Variants in SETBP1 observed in about 807,000 individuals in gnomAD.
SETBP1 encodes SET binding protein 1, also known as SET-binding protein.
Under a neutral mutation model 101.0 loss-of-function variants are expected in SETBP1, and 9 were observed. That is an observed-to-expected ratio of 0.09 (90% confidence interval 0.05 to 0.16). SETBP1 has a LOEUF of 0.16. Among genes scored for constraint, SETBP1 ranks in the 10% least tolerant of loss-of-function variants. SETBP1 has a pLI of 1.00. For synonymous variants in SETBP1, 818 were observed against 788.5 expected (o/e 1.04, Z -0.63); for missense variants, 1,858 against 2,033.8 (o/e 0.91, Z 1.66).
chr18:44,924,939 C>T (rs559970285), intron 3 of SETBP1, among the ~76,000 whole-genome samples: 2 of 149,150 alleles, frequency 1.3e-5, no homozygotes, highest in Non-Finnish European at 1.5e-5. Flanking sequence ...TCAGGATAGG[C>T]GTGTCCAGCT....
chr18:44,890,881 A>G (rs2069752377), intron 3 of SETBP1, among the ~76,000 whole-genome samples: 1 of 152,156 alleles, frequency 6.6e-6, no homozygotes, highest in African/African-American at 2.4e-5. Context: ...ATTGGAATTT[A>G]CATGGATCTT....
chr18:44,845,804 A>G (rs568453659), intron 2 of SETBP1, among the ~76,000 whole-genome samples: 2 of 152,296 alleles, frequency 1.3e-5, no homozygotes, highest in Non-Finnish European at 2.9e-5. Context: ...CCCTGCACTC[A>G]AGAGGGAAAC....
intron 4 of SETBP1, among the ~76,000 whole-genome samples, chr18:44,958,207 A>C (rs1191897751): frequency 6.6e-6 from 1 of 152,260 alleles, no homozygotes; most frequent in Non-Finnish European, 1.5e-5. Flanking sequence ...CAGTAGTTAC[A>C]AAGTAAATAT....
At chr18:44,812,914 C>A (rs1416354329) in intron 2 of SETBP1, among the ~76,000 whole-genome samples, 1 of 152,140 alleles carries the variant, frequency 6.6e-6, no homozygotes, top group African/African-American at 2.4e-5. Flanking sequence ...ACCTCACAGG[C>A]CAGAAGTGTT....
At chr18:44,763,227 A>G (rs2070696956) in intron 2 of SETBP1, among the ~76,000 whole-genome samples, 1 of 152,224 alleles carries the variant, frequency 6.6e-6, no homozygotes, top group African/African-American at 2.4e-5. Flanking sequence ...GCTGGAGTAA[A>G]TAGTTGAAGT....
intron 2 of SETBP1, among the ~76,000 whole-genome samples, chr18:44,722,773 G>T (rs1568109707): frequency 6.6e-6 from 1 of 152,196 alleles, no homozygotes; most frequent in Non-Finnish European, 1.5e-5. Flanking sequence ...ATTGTGAAGG[G>T]CATGTCTTCA....
At chr18:44,747,039 C>G (rs1388429955) in intron 2 of SETBP1, among the ~76,000 whole-genome samples, 2 of 152,178 alleles carry the variant, frequency 1.3e-5, no homozygotes, top group Non-Finnish European at 2.9e-5. Context: ...TAGTCACATG[C>G]CAGCCCCAGC....
intron 4 of SETBP1, among the ~76,000 whole-genome samples, chr18:44,956,575 A>G (rs556150236): frequency 1.0e-3 from 153 of 152,342 alleles, no homozygotes; most frequent in Middle Eastern, 6.8e-3. Context: ...CTTAGCATCC[A>G]AATGTCCTAT....
intron 3 of SETBP1, among the ~76,000 whole-genome samples, chr18:44,935,563 A>T (rs1283834216): frequency 6.6e-6 from 1 of 152,140 alleles, no homozygotes; most frequent in African/African-American, 2.4e-5. Flanking sequence ...CAGCTCTCCC[A>T]TGTAGAAACC....
intron 2 of SETBP1, among the ~76,000 whole-genome samples, chr18:44,830,233 A>T (rs1568168566): frequency 1.3e-5 from 2 of 152,180 alleles, no homozygotes. Context: ...TTCCAAACTA[A>T]TTTGACCATG....
At chr18:45,045,375 G>A (rs1449668008) in intron 5 of SETBP1, among the ~76,000 whole-genome samples, 2 of 152,144 alleles carry the variant, frequency 1.3e-5, no homozygotes, top group Non-Finnish European at 2.9e-5. Flanking sequence ...AGGTTGTAGT[G>A]AGCCGAAATC....
At chr18:44,954,288 A>G (rs1387154568) in intron 4 of SETBP1, among the ~76,000 whole-genome samples, 1 of 142,694 alleles carries the variant, frequency 7.0e-6, no homozygotes, top group African/African-American at 2.5e-5. Context: ...GTTAGTTATT[A>G]GGAAAATAGT....
At position 44,952,687 on chromosome 18, in the gene SETBP1, A is replaced by G. The variant is rs765137543; in HGVS notation, c.3347A>G (p.His1116Arg). 51 of 1,613,996 alleles carry G rather than the reference A, an allele frequency of 3.2e-5. No individual in the cohort carries two copies. Among genetic ancestry groups the G allele is most frequent in the South Asian group, 1.6e-4 (15 of 91,082 alleles). Residue 1116 changes from histidine to arginine, a missense_variant, in exon 4 of 6, where the codon CAC becomes CGC. His to Arg is a conservative substitution (Grantham distance 29). Around this residue, in one of 12 missense-constraint regions of SETBP1, gnomAD observed 417 missense variants for 389.1 expected, o/e 1.07. Coordinates refer to ENST00000649279, the MANE Select transcript of SETBP1 (RefSeq NM_015559.3). ...AAGCATAAAGCCAAGCATGGAGTAC[A>G]CCTGCAGGGACCTGTTAGCATGGGC... ...AAKHKAKHGV[H>R]LQGPVSMGLG...
At chr18:44,779,138 C>T (rs1187374961) in intron 2 of SETBP1, among the ~76,000 whole-genome samples, 1 of 152,200 alleles carries the variant, frequency 6.6e-6, no homozygotes, top group African/African-American at 2.4e-5. Flanking sequence ...TTTGTGACTT[C>T]AGAGAGTCAC....
At chr18:44,698,587 AC>A (rs1259158219) in intron 1 of SETBP1, among the ~76,000 whole-genome samples, 1 of 152,068 alleles carries the variant, frequency 6.6e-6, no homozygotes, top group Non-Finnish European at 1.5e-5. Flanking sequence ...TTCCTGCTCT[AC>A]CTAGGAAACC....
intron 2 of SETBP1, among the ~76,000 whole-genome samples, chr18:44,781,481 C>T (rs926731713): frequency 3.3e-5 from 5 of 150,786 alleles, no homozygotes; most frequent in Admixed American, 1.3e-4. Context: ...CTGTCTCTGT[C>T]TCTCTCTCTC....
chr18:45,020,614 T>C (rs1363217566), intron 4 of SETBP1, among the ~76,000 whole-genome samples: 3 of 152,184 alleles, frequency 2.0e-5, no homozygotes, highest in Non-Finnish European at 4.4e-5. Flanking sequence ...CAGAAGGAAT[T>C]AGAGGCCATA....
At chr18:44,944,977 C>T (rs765092138) in intron 3 of SETBP1, among the ~76,000 whole-genome samples, 62 of 152,024 alleles carry the variant, frequency 4.1e-4, no homozygotes, top group Non-Finnish European at 1.5e-4. Context: ...TAAAAAGAAA[C>T]CTGACTTACA....
chr18:44,944,891 T>C (rs1237734645), intron 3 of SETBP1, among the ~76,000 whole-genome samples: 1 of 152,220 alleles, frequency 6.6e-6, no homozygotes, highest in East Asian at 1.9e-4. Flanking sequence ...ACTCATTTGC[T>C]TCCCATTTTT....
Sources: allele counts gnomAD v4.1 joint callset (sites outside exome capture counted in the v4.1 genomes callset), GRCh38; gene constraint gnomAD v4.1.1; regional missense constraint gnomAD v4.1.1; transcripts MANE v1.5; gene names NCBI Gene and HGNC (gene_info 2026-07-23, HGNC 2026-07-21).